IQCB1: variants seen among roughly 807,000 people sequenced by gnomAD.
IQCB1 encodes the protein IQ calmodulin-binding motif-containing protein 1.
A neutral mutation model predicts 84.4 loss-of-function variants in IQCB1; 56 were observed. The ratio of observed to expected loss-of-function variants is 0.66; its 90% CI spans 0.54 to 0.83. The LOEUF (loss-of-function observed/expected upper bound fraction) is 0.83, where lower values mean the gene tolerates loss of function less well. Among genes scored for constraint, IQCB1 ranks in the 40% least tolerant of loss-of-function variants. The pLI, the probability that IQCB1 is intolerant of heterozygous loss-of-function variation, is 0.00. For missense variants in IQCB1, 629 were observed against 682.1 expected, an observed-to-expected ratio of 0.92 and a Z score of 0.87; for synonymous variants, 210 against 234.8, an observed-to-expected ratio of 0.89 and a Z score of 0.96.
chr3:121,823,234 C>T (rs781590428), intron 5 of IQCB1, among the ~76,000 whole-genome samples: 2 of 152,012 alleles, frequency 1.3e-5, no homozygotes, highest in Non-Finnish European at 2.9e-5. Context: ...GCCTCAACAA[C>T]CAGAAGTCCC....
intron 2 of IQCB1, among the ~76,000 whole-genome samples, chr3:121,833,317 G>A (rs1708047459): frequency 6.6e-6 from 1 of 152,158 alleles, no homozygotes; most frequent in African/African-American, 2.4e-5. Context: ...ACTAGGATTT[G>A]CTAAATACAG....
chr3:121,807,341 C>G lies in IQCB1; in HGVS notation c.587+3G>C. 1 of 1,413,312 alleles carries G rather than the reference C, an allele frequency of 7.1e-7. No individual in the cohort carries two copies. The highest frequency in any genetic ancestry group is 1.0e-6 in the Non-Finnish European group (1 of 998,098). The allele number at this position is 1,413,312 out of a possible 1,614,324, so 87.5% of individuals were successfully genotyped here. On this transcript the variant is annotated splice_donor_region_variant and intron_variant, in intron 7 of 14. Coordinates refer to ENST00000310864, the MANE Select transcript of IQCB1 (RefSeq NM_001023570.4). ...CAGTAACATTTTGTAAAAACCAAGTCACCTGTTGATCTGTAGTATATTCTG... is the reference window on the plus strand; with the variant it reads ...CAGTAACATTTTGTAAAAACCAAGTGACCTGTTGATCTGTAGTATATTCTG...
In IQCB1 at chr3:121,795,611, T is replaced by TAA. The variant is rs34294955; in HGVS notation, c.877-47_877-46dup. ...TTAGAGATATCTCTAGGAAGGTCTT[T>TAA]AAAAAAAAAAAAAAGTTTACCTCTT... On this transcript the variant is annotated intron_variant, in intron 9 of 14. Transcript: ENST00000310864. 4.3e-3 allele frequency: 3,536 copies of TAA among 816,288 alleles called. No homozygotes were observed. Among genetic ancestry groups the TAA allele is most frequent in the East Asian group, 0.042 (1,529 of 36,104 alleles). The allele number at this position is 816,288 out of a possible 1,614,324, so 50.6% of individuals were successfully genotyped here.
intron 5 of IQCB1, among the ~76,000 whole-genome samples, chr3:121,817,753 C>T (rs545066262): frequency 3.9e-5 from 6 of 152,162 alleles, no homozygotes; most frequent in Non-Finnish European, 8.8e-5. Flanking sequence ...AAACCCTAAC[C>T]TCTAATGTGA....
intron 13 of IQCB1, among the ~76,000 whole-genome samples, chr3:121,778,981 A>C (rs1029467722): frequency 6.6e-6 from 1 of 152,180 alleles, no homozygotes; most frequent in East Asian, 1.9e-4. Context: ...TAACATTTAA[A>C]AATTTTTTTA....
chr3:121,770,331 C>A lies in IQCB1; in HGVS notation c.*14G>T. The A allele has an allele frequency of 6.5e-7, 1 of 1,530,068 alleles. No homozygotes were observed. The highest frequency in any genetic ancestry group is 1.1e-5 in the South Asian group (1 of 89,320). The allele number at this position is 1,530,068 out of a possible 1,614,324, so 94.8% of individuals were successfully genotyped here. ...CTAAAATATGAGATTTGTGTCAATT[C>A]TTAGGGTTACTCACTAAGGTGGTTT... is the stretch of plus-strand genomic sequence containing the variant. On this transcript the variant is annotated 3_prime_UTR_variant, in exon 15 of 15. Transcript: ENST00000310864.
At chr3:121,813,819 T>C (rs4676757) in intron 5 of IQCB1, among the ~76,000 whole-genome samples, 60,247 of 151,956 alleles carry the variant, frequency 0.4, 12,506 homozygotes, top group South Asian at 0.56. Flanking sequence ...CACACAATAA[T>C]AGTGAGAGAC....
chr3:121,826,750 GGAGA>G (rs1192219557), intron 4 of IQCB1, among the ~76,000 whole-genome samples: 1 of 152,066 alleles, frequency 6.6e-6, no homozygotes. Context: ...ATACATTAGA[GGAGA>G]GAAAGTCACT....
At chr3:121,805,842 T>C (rs1301096142) in intron 7 of IQCB1, among the ~76,000 whole-genome samples, 1 of 152,128 alleles carries the variant, frequency 6.6e-6, no homozygotes, top group Non-Finnish European at 1.5e-5. Flanking sequence ...TCTCTGGGGT[T>C]CTCTACATGT....
chr3:121,780,471 C>T (rs1466206168), intron 13 of IQCB1, among the ~76,000 whole-genome samples: 1 of 152,168 alleles, frequency 6.6e-6, no homozygotes, highest in Non-Finnish European at 1.5e-5. Flanking sequence ...ATGGTAATCA[C>T]AGAGGGCCTG....
chr3:121,809,100 A>G, intron 5 of IQCB1, 91 bp from the exon 6 acceptor site: 1 of 729,898 alleles, frequency 1.4e-6, no homozygotes, highest in Non-Finnish European at 2.3e-6. Flanking sequence ...GAGTTAGAGG[A>G]TACAGTTTCT....
At chr3:121,816,134 A>G (rs1183074136) in intron 5 of IQCB1, among the ~76,000 whole-genome samples, 1 of 152,112 alleles carries the variant, frequency 6.6e-6, no homozygotes, top group African/African-American at 2.4e-5. Context: ...CAACCATCTG[A>G]TCTTTGACAA....
intron 5 of IQCB1, among the ~76,000 whole-genome samples, chr3:121,812,951 C>T (rs59064186): frequency 0.1 from 15,628 of 152,042 alleles, 852 homozygotes; most frequent in South Asian, 0.15. Flanking sequence ...ATAGTAACCC[C>T]AACACACTTA....
At chr3:121,786,215 G>GAAAAGAAAAGAAAAGAAAAGAAAAGAAAA (rs59609336) in intron 12 of IQCB1, among the ~76,000 whole-genome samples, 19 of 147,192 alleles carry the variant, frequency 1.3e-4, no homozygotes, top group African/African-American at 4.6e-4. Flanking sequence ...GAAAAGAAAA[G>GAAAAGAAAAGAAAAGAAAAGAAAAGAAAA]GATGCTTTAA....
At chr3:121,802,350 G>A (rs925905799) in intron 7 of IQCB1, among the ~76,000 whole-genome samples, 1 of 151,952 alleles carries the variant, frequency 6.6e-6, no homozygotes, top group Non-Finnish European at 1.5e-5. Flanking sequence ...ATTGCTCCTT[G>A]AGTAAATTTT....
At chr3:121,822,060 A>G (rs536379539) in intron 5 of IQCB1, among the ~76,000 whole-genome samples, 1 of 152,306 alleles carries the variant, frequency 6.6e-6, no homozygotes, top group South Asian at 2.1e-4. Context: ...TCCTGACTTC[A>G]GACTCAAACT....
rs780568642 is a variant in IQCB1 at position 121,790,107 on chromosome 3, T to G, written c.1095A>C (p.Glu365Asp). Residue 365 changes from glutamate (E) to aspartate (D), a missense_variant, in exon 11 of 15, where the codon GAA becomes GAC. Transcript: ENST00000310864. Reference sequence around the variant, plus strand: ...CTATTTCGAGCATACTCAGCTGCAATTCTCGGGAAAGTCTCATGGCTCTCT... The same window carrying G: ...CTATTTCGAGCATACTCAGCTGCAAGTCTCGGGAAAGTCTCATGGCTCTCT... Reference protein sequence around the residue: ...QRQRAMRLSRELQLSMLEIVH... With the variant: ...QRQRAMRLSRDLQLSMLEIVH... The G allele has an allele frequency of 2.5e-6, 4 of 1,613,612 alleles. No individual in the cohort carries two copies. In the African/African-American group the frequency reaches 5.3e-5, roughly 22 times the overall value.
At chr3:121,795,758 G>T (rs1219961687) in intron 9 of IQCB1, among the ~76,000 whole-genome samples, 192 bp from the exon 10 acceptor site, 1 of 152,116 alleles carries the variant, frequency 6.6e-6, no homozygotes, top group Non-Finnish European at 1.5e-5. Flanking sequence ...ACATACTCAA[G>T]ATATAGTCTA....
intron 5 of IQCB1, among the ~76,000 whole-genome samples, chr3:121,819,309 G>A (rs1950188960): frequency 6.6e-6 from 1 of 152,120 alleles, no homozygotes; most frequent in South Asian, 2.1e-4. Context: ...TCCCTCACCT[G>A]CACAGTTCAC....
Sources: allele counts gnomAD v4.1 joint callset (sites outside exome capture counted in the v4.1 genomes callset), GRCh38; gene constraint gnomAD v4.1.1; transcripts MANE v1.5; gene names NCBI Gene and HGNC (gene_info 2026-07-23, HGNC 2026-07-21).